Variants in ADCY2 observed in about 807,000 individuals in gnomAD.
ADCY2 encodes adenylate cyclase type 2.
In ADCY2, 31 loss-of-function variants were observed where a neutral mutation model predicts 125.2. The ratio of observed to expected loss-of-function variants is 0.25; its 90% CI spans 0.19 to 0.33. ADCY2 has a LOEUF of 0.33. Ranked by LOEUF, ADCY2 falls within the 10% of genes least tolerant of loss-of-function variation. The probability of loss-of-function intolerance (pLI) is 1.00; values close to 1 mark genes in which losing one functional copy is unlikely to be tolerated. For synonymous variants in ADCY2, 512 were observed against 548.4 expected, an observed-to-expected ratio of 0.93 and a Z score of 0.93; for missense variants, 904 against 1,418.2, an observed-to-expected ratio of 0.64 and a Z score of 5.82.
In ADCY2 at chr5:7,553,946, A is replaced by G. The variant is rs115838749; in HGVS notation, c.570+33047A>G. 4.4e-3 allele frequency among the ~76,000 whole-genome samples: 675 copies of G among 152,326 alleles called. 6 individuals carry two copies. The highest frequency in any genetic ancestry group is 0.014 in the African/African-American group (592 of 41,578). On this transcript the variant is annotated intron_variant, in intron 3 of 24. Coordinates refer to ENST00000338316, the MANE Select transcript of ADCY2 (RefSeq NM_020546.3). ...GGAATAGCAAACATGTTAAGGTTAG[A>G]AAAATGAGTTCTTGCTGGAGTTACT...
intron 4 of ADCY2, among the ~76,000 whole-genome samples, chr5:7,656,350 G>A (rs969276015): frequency 6.6e-6 from 1 of 152,160 alleles, no homozygotes; most frequent in Non-Finnish European, 1.5e-5. Flanking sequence ...CACGGCACCC[G>A]GCCAACTGCT....
At chr5:7,689,197 A>G (rs914560643) in intron 4 of ADCY2, among the ~76,000 whole-genome samples, 1 of 152,144 alleles carries the variant, frequency 6.6e-6, no homozygotes, top group African/African-American at 2.4e-5. Flanking sequence ...CAAGACTTCA[A>G]CACACAGTGC....
intron 16 of ADCY2, among the ~76,000 whole-genome samples, chr5:7,766,304 C>T (rs1443270854): frequency 2.0e-5 from 3 of 152,184 alleles, no homozygotes; most frequent in East Asian, 1.9e-4. Context: ...GGCAAAGATA[C>T]TGGGGGGAAA....
At chr5:7,466,871 C>A (rs1335384240) in intron 2 of ADCY2, among the ~76,000 whole-genome samples, 3 of 152,116 alleles carry the variant, frequency 2.0e-5, no homozygotes, top group Non-Finnish European at 4.4e-5. Context: ...ATCCTCACAC[C>A]CACCCCATGA....
At chr5:7,517,595 T>A (rs539314405) in intron 2 of ADCY2, among the ~76,000 whole-genome samples, 1 of 152,290 alleles carries the variant, frequency 6.6e-6, no homozygotes, top group East Asian at 1.9e-4. Context: ...ACTCCTGAAA[T>A]GCTACCACGG....
chr5:7,733,010 T>TCAAG (rs1560919889), intron 14 of ADCY2, among the ~76,000 whole-genome samples: 1 of 152,362 alleles, frequency 6.6e-6, no homozygotes, highest in Non-Finnish European at 1.5e-5. Flanking sequence ...CCAAAAATGA[T>TCAAG]CAAGCATGAA....
intron 13 of ADCY2, 114 bp from the exon 14 acceptor site, chr5:7,727,050 A>G (rs906227234): frequency 4.0e-5 from 29 of 731,542 alleles, no homozygotes; most frequent in Admixed American, 5.5e-5. Flanking sequence ...GTTGGCTGCA[A>G]TCTGCACAAT....
intron 2 of ADCY2, among the ~76,000 whole-genome samples, chr5:7,503,811 T>C (rs927884153): frequency 2.0e-5 from 3 of 152,232 alleles, no homozygotes; most frequent in African/African-American, 7.2e-5. Flanking sequence ...CATGGACACC[T>C]GGTTCAACCC....
chr5:7,815,047 G>T (rs1745066083), intron 22 of ADCY2, among the ~76,000 whole-genome samples: 1 of 152,150 alleles, frequency 6.6e-6, no homozygotes, highest in Non-Finnish European at 1.5e-5. Flanking sequence ...GCTGTAGTGG[G>T]CACATTCACG....
intron 4 of ADCY2, among the ~76,000 whole-genome samples, chr5:7,671,629 A>T (rs931607695): frequency 2.0e-5 from 3 of 152,240 alleles, no homozygotes; most frequent in South Asian, 4.1e-4. Context: ...TGAAAAAAAA[A>T]TGACATGTGC....
At chr5:7,593,986 A>C (rs1465836710) in intron 3 of ADCY2, among the ~76,000 whole-genome samples, 1 of 152,216 alleles carries the variant, frequency 6.6e-6, no homozygotes, top group Non-Finnish European at 1.5e-5. Flanking sequence ...TGTACAGTAC[A>C]AGAAAAAGCA....
chr5:7,701,551 A>G (rs2126337435), intron 7 of ADCY2, among the ~76,000 whole-genome samples: 1 of 152,310 alleles, frequency 6.6e-6, no homozygotes, highest in African/African-American at 2.4e-5. Flanking sequence ...AGTGATGTTG[A>G]GTAAATTCAA....
chr5:7,580,340 G>A (rs529006270), intron 3 of ADCY2, among the ~76,000 whole-genome samples: 1 of 152,202 alleles, frequency 6.6e-6, no homozygotes, highest in East Asian at 1.9e-4. Flanking sequence ...TAAAAAGGAA[G>A]CAAAAGAAAG....
chr5:7,538,392 G>A (rs1377155311), intron 3 of ADCY2, among the ~76,000 whole-genome samples: 1 of 152,148 alleles, frequency 6.6e-6, no homozygotes, highest in Non-Finnish European at 1.5e-5. Context: ...GAGGATTAGG[G>A]ATTGGGAGTA....
chr5:7,402,263 A>G (rs115586554), intron 1 of ADCY2, among the ~76,000 whole-genome samples: 1 of 152,308 alleles, frequency 6.6e-6, no homozygotes, highest in African/African-American at 2.4e-5. Flanking sequence ...GAGGACAGAA[A>G]AGGATTAAGT....
At chr5:7,757,306 G>A (rs1031367786) in intron 15 of ADCY2, 143 bp from the exon 16 acceptor site, 1 of 1,027,918 alleles carries the variant, frequency 9.7e-7, no homozygotes, top group African/African-American at 1.6e-5. Flanking sequence ...GACTTCGTAT[G>A]GGTCCCCAGG....
At chr5:7,543,242 A>G (rs16878777) in intron 3 of ADCY2, among the ~76,000 whole-genome samples, 25,040 of 152,194 alleles carry the variant, frequency 0.16, 2,834 homozygotes, top group East Asian at 0.4. Context: ...GGTGTACATC[A>G]TATTCAAAGG....
intron 2 of ADCY2, among the ~76,000 whole-genome samples, chr5:7,419,998 C>G (rs991420146): frequency 6.6e-6 from 1 of 152,204 alleles, no homozygotes; most frequent in Non-Finnish European, 1.5e-5. Context: ...CCCAAGGGGT[C>G]TGCCTCCTGA....
chr5:7,468,452 G>T (rs1370214357), intron 2 of ADCY2, among the ~76,000 whole-genome samples: 1 of 152,108 alleles, frequency 6.6e-6, no homozygotes, highest in Non-Finnish European at 1.5e-5. Context: ...CAGTTTGAGA[G>T]CTAAATGATA....
Sources: gnomAD v4.1 joint callset for allele counts (sites outside exome capture counted in the v4.1 genomes callset) on GRCh38, gnomAD v4.1.1 for gene constraint, MANE v1.5 for transcripts, NCBI Gene and HGNC (gene_info 2026-07-23, HGNC 2026-07-21) for gene names.